Variants in EPHA6 observed in about 807,000 individuals in gnomAD.
EPHA6 encodes the protein EPH receptor A6.
EPHA6 carries 50 observed loss-of-function variants against 112.0 expected under a neutral mutation model. The ratio of observed to expected loss-of-function variants is 0.45; its 90% CI spans 0.36 to 0.56. The LOEUF is 0.56. Ranked by LOEUF, EPHA6 falls within the 20% of genes least tolerant of loss-of-function variation. The probability of loss-of-function intolerance (pLI) is 0.00; values close to 1 mark genes in which losing one functional copy is unlikely to be tolerated. For missense variants in EPHA6, 1,280 were observed against 1,417.4 expected (o/e 0.90, Z 1.56); for synonymous variants, 529 against 490.7 (o/e 1.08, Z -1.03).
intron 10 of EPHA6, among the ~76,000 whole-genome samples, chr3:97,500,565 A>G (rs1039001607): frequency 6.6e-6 from 1 of 152,106 alleles, no homozygotes; most frequent in East Asian, 1.9e-4. Context: ...ACATAACCCA[A>G]TCATTTTCCA....
intron 3 of EPHA6, among the ~76,000 whole-genome samples, chr3:97,177,396 A>T (rs560105548): frequency 1.3e-5 from 2 of 151,934 alleles, no homozygotes; most frequent in South Asian, 2.1e-4. Flanking sequence ...TGTGCATTTG[A>T]TCTATAGGGC....
intron 2 of EPHA6, among the ~76,000 whole-genome samples, chr3:96,875,642 T>A (rs1332320208): frequency 6.6e-6 from 1 of 151,922 alleles, no homozygotes; most frequent in Non-Finnish European, 1.5e-5. Flanking sequence ...AAAATAAGTA[T>A]GTATGGAATT....
chr3:97,592,666 G>T lies in EPHA6; in HGVS notation c.2441G>T (p.Gly814Val). 5.6e-6 allele frequency: 9 copies of T among 1,613,550 alleles called. No individual in the cohort carries two copies. The highest frequency in any genetic ancestry group is 7.6e-6 in the Non-Finnish European group (9 of 1,179,746). Residue 814 changes from glycine (G) to valine (V), a missense_variant, in exon 12 of 18, where the codon GGG becomes GTG. This residue lies in a region of EPHA6 where 878 missense variants were observed against 999.7 expected (regional missense o/e 0.88). Coordinates refer to ENST00000389672, the MANE Select transcript of EPHA6 (RefSeq NM_001080448.3). ...EAFCPSFLRA[G>V]FLNSIQAPHP... ...TTTTGCCCCAGCTTCCTGAGGGCAG[G>T]GTTTTTAAATAGCATCCAGGCCCCG...
At chr3:97,568,840 C>T (rs1426138258) in intron 11 of EPHA6, among the ~76,000 whole-genome samples, 2 of 152,128 alleles carry the variant, frequency 1.3e-5, no homozygotes, top group African/African-American at 4.8e-5. Context: ...TTTGACTTAA[C>T]TCCAACAAGG....
chr3:97,215,615 A>G (rs958326941), intron 3 of EPHA6, among the ~76,000 whole-genome samples: 35 of 151,998 alleles, frequency 2.3e-4, no homozygotes, highest in Non-Finnish European at 4.4e-5. Context: ...TGTCTCAAAA[A>G]AAAAAAAAAA....
intron 14 of EPHA6, among the ~76,000 whole-genome samples, chr3:97,667,280 A>G (rs903317087): frequency 1.3e-5 from 2 of 152,234 alleles, no homozygotes; most frequent in Non-Finnish European, 2.9e-5. Context: ...TCTGCATATT[A>G]ACATTGTCTA....
intron 1 of EPHA6, among the ~76,000 whole-genome samples, chr3:96,829,487 A>G (rs923339198): frequency 6.6e-6 from 1 of 152,146 alleles, no homozygotes; most frequent in Non-Finnish European, 1.5e-5. Context: ...AAGATTGTAT[A>G]GAAATCGCTG....
At chr3:97,014,915 A>C (rs572890880) in intron 3 of EPHA6, among the ~76,000 whole-genome samples, 8 of 152,300 alleles carry the variant, frequency 5.3e-5, no homozygotes, top group African/African-American at 1.9e-4. Flanking sequence ...CTCTTTTCCC[A>C]GAAGATTAGC....
chr3:97,600,731 T>C (rs1272690521), intron 12 of EPHA6, among the ~76,000 whole-genome samples: 1 of 151,870 alleles, frequency 6.6e-6, no homozygotes, highest in Admixed American at 6.6e-5. Flanking sequence ...TCTAAAGAAT[T>C]CAATGTTCTA....
intron 13 of EPHA6, among the ~76,000 whole-genome samples, chr3:97,622,308 T>C (rs1459728323): frequency 6.6e-6 from 1 of 151,888 alleles, no homozygotes; most frequent in Admixed American, 6.6e-5. Flanking sequence ...TCTATGAGTT[T>C]GACTACTCTT....
intron 3 of EPHA6, among the ~76,000 whole-genome samples, chr3:97,175,862 A>T (rs1353824122): frequency 6.6e-6 from 1 of 151,804 alleles, no homozygotes; most frequent in Non-Finnish European, 1.5e-5. Context: ...GGACAATTTA[A>T]TTTCTTTATT....
intron 3 of EPHA6, among the ~76,000 whole-genome samples, chr3:97,092,423 C>G (rs1209403992): frequency 3.3e-5 from 5 of 151,950 alleles, no homozygotes; most frequent in Non-Finnish European, 7.4e-5. Context: ...AGTATGGCTT[C>G]TATAAATTGT....
intron 5 of EPHA6, among the ~76,000 whole-genome samples, chr3:97,264,061 A>G (rs1312147859): frequency 6.6e-6 from 1 of 152,154 alleles, no homozygotes; most frequent in Non-Finnish European, 1.5e-5. Context: ...CAGGTTATAC[A>G]TTTTCTGTCA....
chr3:97,194,486 C>CAT (rs1340504862), intron 3 of EPHA6, among the ~76,000 whole-genome samples: 3 of 151,994 alleles, frequency 2.0e-5, no homozygotes, highest in Non-Finnish European at 4.4e-5. Flanking sequence ...CATGGCCTAA[C>CAT]ATATGGTCTA....
chr3:97,418,390 C>G (rs2088313275), intron 6 of EPHA6, among the ~76,000 whole-genome samples: 1 of 151,846 alleles, frequency 6.6e-6, no homozygotes, highest in Non-Finnish European at 1.5e-5. Context: ...AAAAATAACA[C>G]ATATCTAGAA....
chr3:97,126,041 T>C (rs982935189), intron 3 of EPHA6, among the ~76,000 whole-genome samples: 5 of 152,186 alleles, frequency 3.3e-5, no homozygotes, highest in African/African-American at 1.2e-4. Context: ...GAGGCGAGTA[T>C]TCAAGTCTGT....
intron 1 of EPHA6, among the ~76,000 whole-genome samples, chr3:96,849,642 T>C (rs1032902568): frequency 6.6e-6 from 1 of 152,094 alleles, no homozygotes; most frequent in Non-Finnish European, 1.5e-5. Flanking sequence ...TCCTATTCTT[T>C]TGTCATTCAC....
intron 7 of EPHA6, among the ~76,000 whole-genome samples, chr3:97,464,646 T>G (rs1168089052): frequency 6.6e-6 from 1 of 151,906 alleles, no homozygotes; most frequent in Non-Finnish European, 1.5e-5. Context: ...CACAGGATAC[T>G]GGGAAAAAAG....
At chr3:97,403,753 G>A (rs2087148700) in intron 5 of EPHA6, among the ~76,000 whole-genome samples, 1 of 152,100 alleles carries the variant, frequency 6.6e-6, no homozygotes, top group African/African-American at 2.4e-5. Context: ...GCCTTTTAAA[G>A]TTATTTTTAA....
Sources: allele counts gnomAD v4.1 joint callset (sites outside exome capture counted in the v4.1 genomes callset), GRCh38; gene constraint gnomAD v4.1.1; regional missense constraint gnomAD v4.1.1; transcripts MANE v1.5; gene names NCBI Gene and HGNC (gene_info 2026-07-23, HGNC 2026-07-21).